ZNF529: variants seen among roughly 807,000 people sequenced by gnomAD.
The protein encoded by ZNF529 is zinc finger protein 529.
In ZNF529, 11 loss-of-function variants were observed where a neutral mutation model predicts 10.1. That is an observed-to-expected ratio of 1.09 (90% CI 0.69 to 1.81). ZNF529 has a LOEUF of 1.81. Ranked by LOEUF, ZNF529 falls within the 40% of genes most tolerant of loss-of-function variation. The pLI, the probability that ZNF529 is intolerant of heterozygous loss-of-function variation, is 0.00. For missense variants in ZNF529, 624 were observed against 666.8 expected (o/e 0.94, Z 0.71); for synonymous variants, 204 against 215.7 (o/e 0.95, Z 0.47).
intron 1 of ZNF529, among the ~76,000 whole-genome samples, chr19:36,602,134 G>A (rs960522046): frequency 2.7e-5 from 4 of 150,190 alleles, no homozygotes; most frequent in South Asian, 2.1e-4. Flanking sequence ...TGCAACCTCC[G>A]CCTCCCAGGT....
chr19:36,562,612 G>T (rs1413313647), intron 2 of ZNF529, among the ~76,000 whole-genome samples: 1 of 151,878 alleles, frequency 6.6e-6, no homozygotes, highest in African/African-American at 2.4e-5. Flanking sequence ...GAGGTGGGCG[G>T]ATCACGAGGT....
intron 4 of ZNF529, among the ~76,000 whole-genome samples, chr19:36,549,649 T>C (rs1450705042): frequency 1.3e-5 from 2 of 152,186 alleles, no homozygotes; most frequent in African/African-American, 2.4e-5. Flanking sequence ...TCCACCACTA[T>C]TGCTTATTCC....
At chr19:36,569,572 C>G (rs2036020920) in intron 2 of ZNF529, among the ~76,000 whole-genome samples, 1 of 151,746 alleles carries the variant, frequency 6.6e-6, no homozygotes, top group Non-Finnish European at 1.5e-5. Flanking sequence ...CCAGACTAGT[C>G]TAGCCAACAT....
chr19:36,574,052 A>G (rs1350463160), upstream of ZNF529, among the ~76,000 whole-genome samples: 1 of 152,228 alleles, frequency 6.6e-6, no homozygotes, highest in Non-Finnish European at 1.5e-5. Flanking sequence ...CAGACTCTAA[A>G]GTATTTGAAG....
In ZNF529 at chr19:36,556,135, T is replaced by A. The variant is rs934182846; in HGVS notation, c.77A>T (p.Asp26Val). Residue 26 changes from aspartate to valine, a missense_variant, in exon 3 of 5, where the codon GAC (aspartate) becomes GTC (valine). By Grantham distance (152) the Asp-to-Val change is radical. Transcript: ENST00000591340. ...HAVMPEVEFP[D>V]QFFTVLTMDH... ...CATGGTTAGAACTGTAAAGAATTGG[T>A]CAGGGAATTCCACTTCTGGCATGAC... 55 of 1,547,888 alleles carry A rather than the reference T, an allele frequency of 3.6e-5. No individual in the cohort carries two copies. The Admixed American group carries it at 1.1e-3, about 30-fold the overall frequency.
chr19:36,566,957 A>G (rs761281389), intron 2 of ZNF529, among the ~76,000 whole-genome samples: 1 of 151,834 alleles, frequency 6.6e-6, no homozygotes, highest in Admixed American at 6.6e-5. Flanking sequence ...CAGAGGTTGC[A>G]GTGAGCCGAG....
intron 1 of ZNF529, among the ~76,000 whole-genome samples, chr19:36,572,762 A>G (rs1395306412): frequency 7.2e-5 from 11 of 151,818 alleles, no homozygotes; most frequent in Non-Finnish European, 1.5e-4. Flanking sequence ...TCATTTATCT[A>G]TCTTCTATAT....
intron 3 of ZNF529, among the ~76,000 whole-genome samples, chr19:36,555,595 C>A (rs112819100): frequency 9.1e-5 from 4 of 43,966 alleles, no homozygotes; most frequent in Admixed American, 1.7e-4. Context: ...CGCGCCCGGC[C>A]GCGATAAAGT....
In ZNF529 at chr19:36,545,924, T is replaced by C. The variant is rs1467959493; in HGVS notation, c.*942A>G. 1 of 151,790 alleles carries C rather than the reference T, an allele frequency of 6.6e-6. No individual in the cohort carries two copies. The highest frequency in any genetic ancestry group is 1.5e-5 in the Non-Finnish European group (1 of 67,906). The allele number at this position is 151,790 out of a possible 1,614,324, so 9.4% of individuals were successfully genotyped here. A position where few individuals can be genotyped will look rare whatever the true frequency, so the allele number is the denominator to read the frequency against. ...AGAGTTCTCTTCATTTGGATCCTGG[T>C]TGGTATAGCCTGCAGGTAAAAAGAC... On this transcript the variant is annotated 3_prime_UTR_variant, in exon 5 of 5. Coordinates refer to ENST00000591340, the MANE Select transcript of ZNF529 (RefSeq NM_020951.5).
intron 4 of ZNF529, among the ~76,000 whole-genome samples, chr19:36,552,445 TCAACAACAA>T (rs113463285): frequency 2.0e-5 from 3 of 151,620 alleles, no homozygotes; most frequent in South Asian, 2.1e-4. Context: ...ATAAATAAAA[TCAACAACAA>T]CAACAACAAC....
rs114139178 is a variant in ZNF529, at chr19:36,572,730, C to A, written c.-46-338G>T. Among the ~76,000 whole-genome samples the A allele has an allele frequency of 4.0e-3, 609 of 151,946 alleles. 3 individuals are homozygous for A. Among genetic ancestry groups the A allele is most frequent in the African/African-American group, 0.014 (580 of 41,486 alleles). Reference sequence around the variant, plus strand: ...TCATTTATCTATCTTATCTATCTATCTATCTATCTATCTATTATCTATCAT... The same window carrying A: ...TCATTTATCTATCTTATCTATCTATATATCTATCTATCTATTATCTATCAT... On this transcript the variant is annotated intron_variant, in intron 1 of 4. Transcript: ENST00000591340.
chr19:36,557,660 T>C (rs1173324538), intron 2 of ZNF529, among the ~76,000 whole-genome samples: 1 of 152,190 alleles, frequency 6.6e-6, no homozygotes, highest in Non-Finnish European at 1.5e-5. Flanking sequence ...CCAAACCATA[T>C]TACAGTCACT....
At chr19:36,568,840 G>A (rs1026836348) in intron 2 of ZNF529, among the ~76,000 whole-genome samples, 2 of 152,126 alleles carry the variant, frequency 1.3e-5, no homozygotes, top group Non-Finnish European at 2.9e-5. Flanking sequence ...GACAGTGGTG[G>A]GCACTGTGGT....
chr19:36,548,183 G>A lies in ZNF529; in HGVS notation c.375C>T (p.Ser125=). 4.3e-6 allele frequency: 7 copies of A among 1,613,730 alleles called. No homozygotes were observed. The highest frequency in any genetic ancestry group is 5.9e-6 in the Non-Finnish European group (7 of 1,179,824). The change falls in exon 5 of 5, where the codon AGC becomes AGT. Residue 125 remains serine (S), a synonymous_variant. Coordinates refer to ENST00000591340, the MANE Select transcript of ZNF529 (RefSeq NM_020951.5). ...GTCCTTGTAAGTCAATCTTGCTTTT[G>A]CTTTGCCAGTCATTTCTGAAAATGG... ...EGSIFRNDWQ[S]KSKIDLQGPE...
At chr19:36,604,192 C>CAA (rs2036979522) in intron 1 of ZNF529, among the ~76,000 whole-genome samples, 1 of 151,894 alleles carries the variant, frequency 6.6e-6, no homozygotes, top group African/African-American at 2.4e-5. Context: ...CACACACACA[C>CAA]AAAATCTTTG....
At chr19:36,581,120 T>TA (rs757990262) in intron 2 of ZNF529, 2 of 152,114 alleles carry the variant, frequency 1.3e-5, no homozygotes, top group Non-Finnish European at 2.9e-5. Flanking sequence ...AATTGAAAAA[T>TA]TACATTCTTT....
At chr19:36,594,526 G>A (rs1251592488) in intron 1 of ZNF529, 1 of 152,302 alleles carries the variant, frequency 6.6e-6, no homozygotes, top group East Asian at 1.9e-4. Flanking sequence ...TCCAGCTGTA[G>A]TCAGCTGAAG....
At chr19:36,602,253 G>T (rs1470810784) in intron 1 of ZNF529, among the ~76,000 whole-genome samples, 1 of 151,810 alleles carries the variant, frequency 6.6e-6, no homozygotes, top group East Asian at 1.9e-4. Flanking sequence ...TTGCCATGTT[G>T]GTCAGGCTGG....
intron 2 of ZNF529, among the ~76,000 whole-genome samples, chr19:36,558,913 A>G (rs1361429076): frequency 6.7e-6 from 1 of 150,224 alleles, no homozygotes; most frequent in Admixed American, 6.7e-5. Flanking sequence ...CTAAATATAT[A>G]AGAAATTCAT....
Sources: gnomAD v4.1 joint callset for allele counts (sites outside exome capture counted in the v4.1 genomes callset) on GRCh38, gnomAD v4.1.1 for gene constraint, MANE v1.5 for transcripts, NCBI Gene and HGNC (gene_info 2026-07-23, HGNC 2026-07-21) for gene names.